Variants in PACRG observed in about 807,000 individuals in gnomAD.
PACRG encodes the protein parkin coregulated gene protein.
PACRG carries 29 observed loss-of-function variants against 29.7 expected under a neutral mutation model. The observed-to-expected ratio is 0.98, with a 90% CI of 0.73 to 1.33. The LOEUF is 1.33. PACRG is among the 40% of genes most tolerant of loss of function. PACRG has a pLI of 0.00. For synonymous variants in PACRG, 116 were observed against 118.7 expected (o/e 0.98, Z 0.15); for missense variants, 279 against 316.2 (o/e 0.88, Z 0.89).
At chr6:162,959,028 C>T (rs1006877861) in intron 2 of PACRG, among the ~76,000 whole-genome samples, 5 of 150,464 alleles carry the variant, frequency 3.3e-5, no homozygotes, top group Non-Finnish European at 7.4e-5. Flanking sequence ...GCAATCCTGC[C>T]TCAGCCTCCG....
chr6:163,061,225 T>C (rs1811070803), intron 2 of PACRG, among the ~76,000 whole-genome samples: 1 of 151,746 alleles, frequency 6.6e-6, no homozygotes, highest in Non-Finnish European at 1.5e-5. Context: ...TCTGAGTCTG[T>C]GGGCTCATTT....
chr6:163,152,761 C>T (rs992595943), intron 4 of PACRG, among the ~76,000 whole-genome samples: 1 of 152,226 alleles, frequency 6.6e-6, no homozygotes, highest in Non-Finnish European at 1.5e-5. Context: ...TATTAACTGA[C>T]ATTGGCAAAG....
intron 2 of PACRG, among the ~76,000 whole-genome samples, chr6:162,993,055 G>A (rs1426232192): frequency 7.7e-5 from 11 of 142,708 alleles, no homozygotes; most frequent in Admixed American, 7.1e-4. Context: ...GCGGCTTTGA[G>A]TGAGATTCTT....
chr6:163,146,454 C>G (rs964806888), intron 4 of PACRG, among the ~76,000 whole-genome samples: 17 of 152,182 alleles, frequency 1.1e-4, no homozygotes, highest in African/African-American at 4.1e-4. Flanking sequence ...AAGCTATCTA[C>G]TTGTGGATGT....
intron 4 of PACRG, among the ~76,000 whole-genome samples, chr6:163,162,362 G>A (rs181655768): frequency 1.3e-5 from 2 of 152,318 alleles, no homozygotes; most frequent in South Asian, 2.1e-4. Context: ...GAAATCACGC[G>A]GGACGTTTTA....
intron 2 of PACRG, chr6:162,997,573 A>G (rs1804187641): frequency 3.0e-6 from 1 of 331,850 alleles, no homozygotes; most frequent in Non-Finnish European, 5.9e-6. Flanking sequence ...AACAGACTTC[A>G]TAAAAGAGGT....
At chr6:163,298,120 C>CA (rs993065467) in intron 4 of PACRG, among the ~76,000 whole-genome samples, 4 of 152,152 alleles carry the variant, frequency 2.6e-5, no homozygotes, top group Admixed American at 6.5e-5. Flanking sequence ...TTGTGCATGC[C>CA]AAAAAATCTA....
chr6:163,252,879 A>G (rs1407481588), intron 4 of PACRG, among the ~76,000 whole-genome samples: 1 of 152,214 alleles, frequency 6.6e-6, no homozygotes, highest in Non-Finnish European at 1.5e-5. Flanking sequence ...CTTTGAAACT[A>G]AAAGTAAGCA....
intron 2 of PACRG, among the ~76,000 whole-genome samples, chr6:162,954,637 A>G (rs994059771): frequency 1.3e-5 from 2 of 152,170 alleles, no homozygotes; most frequent in African/African-American, 4.8e-5. Flanking sequence ...ATTAGCATTC[A>G]TTCATTAACC....
At chr6:162,968,925 T>C (rs966645495) in intron 2 of PACRG, among the ~76,000 whole-genome samples, 5 of 151,472 alleles carry the variant, frequency 3.3e-5, no homozygotes, top group African/African-American at 1.2e-4. Context: ...CGGGCGCCTG[T>C]AATCCCAGCT....
At chr6:163,041,401 G>T (rs371885785) in intron 2 of PACRG, among the ~76,000 whole-genome samples, 16 of 152,256 alleles carry the variant, frequency 1.1e-4, no homozygotes, top group East Asian at 5.8e-4. Context: ...GGAGGTGATT[G>T]GATCATGGGA....
At chr6:162,915,521 T>C (rs1796639349) in intron 2 of PACRG, among the ~76,000 whole-genome samples, 1 of 152,058 alleles carries the variant, frequency 6.6e-6, no homozygotes, top group Non-Finnish European at 1.5e-5. Flanking sequence ...TAATACCTAT[T>C]GTGATATTTT....
chr6:163,282,215 A>T (rs1282322852), intron 4 of PACRG, among the ~76,000 whole-genome samples: 3 of 152,196 alleles, frequency 2.0e-5, no homozygotes, highest in Non-Finnish European at 4.4e-5. Flanking sequence ...AATTATGCTG[A>T]TGTTAATATA....
At chr6:163,139,123 G>A (rs142037847) in intron 4 of PACRG, among the ~76,000 whole-genome samples, 26 of 152,340 alleles carry the variant, frequency 1.7e-4, no homozygotes, top group South Asian at 2.1e-4. Context: ...TCACTGGGCC[G>A]AAGGCAAGCT....
intron 2 of PACRG, among the ~76,000 whole-genome samples, chr6:163,010,335 C>T (rs751153774): frequency 8.5e-5 from 13 of 152,186 alleles, no homozygotes; most frequent in Admixed American, 2.0e-4. Flanking sequence ...CCCTCAGAAG[C>T]ACCAGGGAGA....
chr6:162,798,260 C>T (rs556777067), intron 1 of PACRG, among the ~76,000 whole-genome samples: 62 of 152,232 alleles, frequency 4.1e-4, no homozygotes, highest in Non-Finnish European at 7.2e-4. Context: ...TTGTGGGTCC[C>T]TCTTCTGCCT....
At chr6:162,953,584 A>G (rs1309974324) in intron 2 of PACRG, among the ~76,000 whole-genome samples, 4 of 152,150 alleles carry the variant, frequency 2.6e-5, no homozygotes, top group African/African-American at 9.7e-5. Context: ...TCTCTGACTG[A>G]CTATCAAGCT....
At chr6:162,955,872 C>T (rs1799982708) in intron 2 of PACRG, among the ~76,000 whole-genome samples, 1 of 152,136 alleles carries the variant, frequency 6.6e-6, no homozygotes, top group South Asian at 2.1e-4. Context: ...CCTTTTTGGA[C>T]TTCTTTCTCC....
intron 4 of PACRG, among the ~76,000 whole-genome samples, chr6:163,244,773 G>A (rs1220124296): frequency 6.6e-6 from 1 of 152,172 alleles, no homozygotes; most frequent in East Asian, 1.9e-4. Context: ...ATAAAAGTGA[G>A]CAGTACTAAA....
Sources: gnomAD v4.1 joint callset for allele counts (sites outside exome capture counted in the v4.1 genomes callset) on GRCh38, gnomAD v4.1.1 for gene constraint, MANE v1.5 for transcripts, NCBI Gene and HGNC (gene_info 2026-07-23, HGNC 2026-07-21) for gene names.